Variants in TCERG1L observed in about 807,000 individuals in gnomAD.
TCERG1L encodes the protein transcription elongation regulator 1-like protein.
In TCERG1L, 37 loss-of-function variants were observed where a neutral mutation model predicts 56.3. The ratio of observed to expected loss-of-function variants is 0.66; its 90% CI spans 0.51 to 0.87. The LOEUF (loss-of-function observed/expected upper bound fraction) is 0.87, where lower values mean the gene tolerates loss of function less well. Ranked by LOEUF, TCERG1L falls within the 40% of genes least tolerant of loss-of-function variation. The pLI is 0.00. For missense variants in TCERG1L, 799 were observed against 774.2 expected (o/e 1.03, Z -0.38); for synonymous variants, 324 against 326.3 (o/e 0.99, Z 0.08).
In TCERG1L at chr10:131,283,696, A is replaced by G. The variant is rs367653343; in HGVS notation, c.671-23252T>C. ...AAAACGAAGATGATGAAATTTCTAA[A>G]GATTAAAATAATTGTTGAAATGTAA... On this transcript the variant is annotated intron_variant, in intron 3 of 11. Transcript: ENST00000368642. Among the ~76,000 whole-genome samples, 44 of 152,362 alleles carry G rather than the reference A, an allele frequency of 2.9e-4. No individual in the cohort carries two copies. In the East Asian group the frequency reaches 3.7e-3, roughly 13 times the overall value.
At chr10:131,104,226 C>G in intron 10 of TCERG1L, 39 bp downstream of exon 10, 1 of 1,373,828 alleles carries the variant, frequency 7.3e-7, no homozygotes, top group Non-Finnish European at 1.0e-6. Context: ...CGCTTTCATG[C>G]CATGTCTCTG....
chr10:131,252,302 C>G (rs1322735348), intron 4 of TCERG1L, among the ~76,000 whole-genome samples: 1 of 152,152 alleles, frequency 6.6e-6, no homozygotes, highest in African/African-American at 2.4e-5. Flanking sequence ...GGACCTGCCA[C>G]ACGGTTGTCC....
At chr10:131,256,992 G>GGAAGGAAGGAAGGAAGGAAGGAAGGAAA (rs1846173015) in intron 4 of TCERG1L, among the ~76,000 whole-genome samples, 1 of 59,208 alleles carries the variant, frequency 1.7e-5, no homozygotes, top group African/African-American at 5.5e-5. Flanking sequence ...AAGGAAGGAA[G>GGAAGGAAGGAAGGAAGGAAGGAAGGAAA]GAAAGAAAGA....
chr10:131,279,997 A>T (rs1265338503), intron 3 of TCERG1L, among the ~76,000 whole-genome samples: 1 of 152,176 alleles, frequency 6.6e-6, no homozygotes, highest in Non-Finnish European at 1.5e-5. Flanking sequence ...GAGCCCCGAA[A>T]ATCAGAGAGA....
chr10:131,138,137 CACAT>C (rs1471977579), intron 7 of TCERG1L, among the ~76,000 whole-genome samples: 1 of 152,154 alleles, frequency 6.6e-6, no homozygotes, highest in African/African-American at 2.4e-5. Context: ...GGTGTGGTGG[CACAT>C]GTCTGTAATC....
At chr10:131,179,438 TC>T (rs1845145858) in intron 4 of TCERG1L, among the ~76,000 whole-genome samples, 2 of 152,144 alleles carry the variant, frequency 1.3e-5, no homozygotes, top group Admixed American at 6.5e-5. Flanking sequence ...GGGCACCACA[TC>T]CCACGTGAGG....
chr10:131,136,565 G>A (rs1024791013), intron 7 of TCERG1L, among the ~76,000 whole-genome samples: 3 of 151,992 alleles, frequency 2.0e-5, no homozygotes, highest in Non-Finnish European at 4.4e-5. Context: ...GTGCGATCTC[G>A]GCTCACTGCA....
At chr10:131,287,040 T>C (rs1041589366) in intron 3 of TCERG1L, among the ~76,000 whole-genome samples, 25 of 152,364 alleles carry the variant, frequency 1.6e-4, no homozygotes, top group East Asian at 5.8e-4. Context: ...TCTGGATATA[T>C]TGAACTAAAT....
At chr10:131,181,767 C>T (rs1265002795) in intron 4 of TCERG1L, among the ~76,000 whole-genome samples, 3 of 152,252 alleles carry the variant, frequency 2.0e-5, no homozygotes, top group African/African-American at 7.2e-5. Context: ...TCTGGGTCCA[C>T]GTATCTTTGC....
At chr10:131,252,222 G>A (rs1000191494) in intron 4 of TCERG1L, among the ~76,000 whole-genome samples, 4 of 152,114 alleles carry the variant, frequency 2.6e-5, no homozygotes, top group African/African-American at 9.7e-5. Context: ...TATGAACATG[G>A]GTGCACAGAT....
chr10:131,227,628 C>G (rs1845806696), intron 4 of TCERG1L, among the ~76,000 whole-genome samples: 2 of 152,344 alleles, frequency 1.3e-5, no homozygotes, highest in South Asian at 4.1e-4. Context: ...TATGGGGCAA[C>G]CGTCAGCTCA....
chr10:131,113,734 A>C (rs909614024), intron 9 of TCERG1L, among the ~76,000 whole-genome samples: 1 of 141,950 alleles, frequency 7.0e-6, no homozygotes, highest in Admixed American at 6.9e-5. Flanking sequence ...GGGACCCCTG[A>C]AAAGGACCAG....
intron 8 of TCERG1L, among the ~76,000 whole-genome samples, chr10:131,121,376 T>C (rs1279788348): frequency 2.0e-5 from 3 of 152,230 alleles, no homozygotes; most frequent in Non-Finnish European, 2.9e-5. Context: ...CATGGTAAGA[T>C]ACATGCTTCC....
chr10:131,161,903 T>C (rs1171657687), intron 6 of TCERG1L: 1 of 152,234 alleles, frequency 6.6e-6, no homozygotes, highest in Non-Finnish European at 1.5e-5. Flanking sequence ...ACCCTGAGCA[T>C]TGCTTCCACT....
Position 131,260,297 on chromosome 10 carries a change from G to A in TCERG1L, c.818C>T (p.Ala273Val), listed in dbSNP as rs1589764699. The change falls in exon 4 of 12, where the codon GCA becomes GTA. Residue 273 changes from alanine (A) to valine (V), a missense_variant. By Grantham distance (64) the Ala-to-Val change is moderately conservative (BLOSUM62 0). Coordinates refer to ENST00000368642, the MANE Select transcript of TCERG1L (RefSeq NM_174937.4). The surrounding 1 kb of genome is among the most constrained non-coding windows in gnomAD (Gnocchi z 5.8). Reference sequence around the variant, plus strand: ...CGTCCGGAGGGGTATTTTGATGGGTGCCAAGGTCAGGAAGTGGCGCGGCTG... The same window carrying A: ...CGTCCGGAGGGGTATTTTGATGGGTACCAAGGTCAGGAAGTGGCGCGGCTG... Reference protein sequence around the residue: ...SVQPRHFLTLAPIKIPLRTSP... With the variant: ...SVQPRHFLTLVPIKIPLRTSP... 3.5e-6 allele frequency: 5 copies of A among 1,435,604 alleles called. No homozygotes were observed. The East Asian group carries it at 8.3e-5, about 24-fold the overall frequency. The allele number at this position is 1,435,604 out of a possible 1,614,324, so 88.9% of individuals were successfully genotyped here.
At chr10:131,104,756 T>C (rs1845335528) in intron 9 of TCERG1L, among the ~76,000 whole-genome samples, 1 of 152,216 alleles carries the variant, frequency 6.6e-6, no homozygotes, top group African/African-American at 2.4e-5. Flanking sequence ...TTTAGGTGAT[T>C]TGTAATCAAA....
chr10:131,276,203 G>C (rs1166182878), intron 3 of TCERG1L, among the ~76,000 whole-genome samples: 1 of 152,168 alleles, frequency 6.6e-6, no homozygotes, highest in Non-Finnish European at 1.5e-5. Context: ...ACCATGGGGG[G>C]AATCCAGCAA....
intron 4 of TCERG1L, among the ~76,000 whole-genome samples, chr10:131,247,507 C>A (rs185625336): frequency 2.0e-3 from 298 of 146,630 alleles, no homozygotes; most frequent in African/African-American, 4.3e-3. Flanking sequence ...TGGCAAGACC[C>A]ACCCCTGGTC....
chr10:131,309,328 C>CATT (rs1406239492), intron 1 of TCERG1L, 29 bp from the exon 2 acceptor site: 2 of 1,585,464 alleles, frequency 1.3e-6, no homozygotes, highest in South Asian at 2.3e-5. Context: ...AAGACAGCTG[C>CATT]ATTAGCCTGA....
Sources: gnomAD v4.1 joint callset for allele counts (sites outside exome capture counted in the v4.1 genomes callset) on GRCh38, gnomAD v4.1.1 for gene constraint, Gnocchi (gnomAD v3.1) non-coding constraint, MANE v1.5 for transcripts, NCBI Gene and HGNC (gene_info 2026-07-23, HGNC 2026-07-21) for gene names.